The following UNC80 variants were observed in gnomAD, a reference collection of about 807,000 sequenced individuals.
UNC80 encodes the protein unc-80 subunit of NALCN channel complex, also known as protein unc-80 homolog.
A neutral mutation model predicts 384.6 loss-of-function variants in UNC80; 164 were observed. The ratio of observed to expected loss-of-function variants is 0.43; its 90% CI spans 0.38 to 0.49. The LOEUF is 0.49. Ranked by LOEUF, UNC80 falls within the 20% of genes least tolerant of loss-of-function variation. UNC80 has a pLI of 0.00. For synonymous variants in UNC80, 1,486 were observed against 1,527.8 expected (o/e 0.97, Z 0.64); for missense variants, 3,330 against 4,143.0 (o/e 0.80, Z 5.39).
rs560707432 is a variant in UNC80 at position 209,908,039 on chromosome 2, T to G, written c.4782+3074T>G. ...AGAGCTAAAAAGATGAATTGACTCC[T>G]CTGTGATAAACATTTTATTTGCAAA... On this transcript the variant is annotated intron_variant, in intron 29 of 64. Coordinates refer to ENST00000673920, the MANE Select transcript of UNC80 (RefSeq NM_001371986.1). Among the ~76,000 whole-genome samples, 5 of 152,362 alleles carry G rather than the reference T, an allele frequency of 3.3e-5. No individual in the cohort carries two copies. In the Middle Eastern group the frequency reaches 0.01, roughly 311 times the overall value.
In UNC80 at chr2:209,998,715, A is replaced by G. The variant is rs538986171; in HGVS notation, c.*3120A>G. 2 of 152,354 alleles carry G rather than the reference A, an allele frequency of 1.3e-5. No individual in the cohort carries two copies. Among genetic ancestry groups the G allele is most frequent in the East Asian group, 3.9e-4 (2 of 5,190 alleles). The allele number at this position is 152,354 out of a possible 1,614,324, so 9.4% of individuals were successfully genotyped here. ...TAAATGAATAGAAGTACAGTCTGAA[A>G]CATGAATTAAATATCCTTCCTCAAG... On this transcript the variant is annotated 3_prime_UTR_variant, in exon 65 of 65. Coordinates refer to ENST00000673920, the MANE Select transcript of UNC80 (RefSeq NM_001371986.1).
chr2:209,835,659 T>A (rs1301686315), intron 18 of UNC80, among the ~76,000 whole-genome samples: 1 of 152,248 alleles, frequency 6.6e-6, no homozygotes, highest in African/African-American at 2.4e-5. Context: ...TTTTGAGAAC[T>A]ACTAATCCAC....
chr2:209,993,386 A>G lies in UNC80; in HGVS notation c.9468A>G (p.Ser3156=). 1.3e-6 allele frequency: 2 copies of G among 1,551,774 alleles called. No individual in the cohort carries two copies. The highest frequency in any genetic ancestry group is 2.7e-5 in the African/African-American group (2 of 73,178). ...GAAATCGCCAAGGGGCTCGGCTGTC[A>G]ACCACTCGCAGGAGCATTCAACCTA... is the stretch of plus-strand genomic sequence containing the variant. The part of the protein sequence containing the change: ...EPRNRQGARL[S]TTRRSIQPKT... The change falls in exon 63 of 65, where the codon TCA becomes TCG. Residue 3156 remains serine (S), a synonymous_variant. Coordinates refer to ENST00000673920, the MANE Select transcript of UNC80 (RefSeq NM_001371986.1).
chr2:209,953,162 A>G (rs2092264273), intron 47 of UNC80, among the ~76,000 whole-genome samples: 1 of 152,172 alleles, frequency 6.6e-6, no homozygotes. Flanking sequence ...TCATGCCTGT[A>G]ATCCCAGATC....
chr2:209,845,545 A>G (rs2082109549), intron 21 of UNC80, among the ~76,000 whole-genome samples: 1 of 152,212 alleles, frequency 6.6e-6, no homozygotes, highest in Non-Finnish European at 1.5e-5. Context: ...CACAGATTCA[A>G]AAGATCTGAT....
intron 45 of UNC80, among the ~76,000 whole-genome samples, 199 bp from the exon 46 acceptor site, chr2:209,944,852 T>C (rs2091836352): frequency 6.6e-6 from 1 of 152,190 alleles, no homozygotes; most frequent in African/African-American, 2.4e-5. Context: ...TATATTAGAA[T>C]TTAATAGATC....
chr2:209,945,996 A>G (rs2091898134), intron 47 of UNC80, 53 bp downstream of exon 47: 1 of 1,186,182 alleles, frequency 8.4e-7, no homozygotes, highest in African/African-American at 1.5e-5. Context: ...TGGCAGAGAA[A>G]ATAAAATTGA....
At chr2:209,959,050 TAAG>T (rs1228581263) in intron 49 of UNC80, 66 bp from the exon 50 acceptor site, 1 of 1,376,574 alleles carries the variant, frequency 7.3e-7, no homozygotes, top group African/African-American at 1.4e-5. Context: ...TGAAAGTCGA[TAAG>T]AAGCCCCAAC....
At chr2:209,969,994 C>G in intron 53 of UNC80, 103 bp downstream of exon 53, 1 of 1,431,032 alleles carries the variant, frequency 7.0e-7, no homozygotes, top group Non-Finnish European at 9.4e-7. Context: ...GTGCCCCTAT[C>G]TGCCCATGAA....
chr2:209,873,365 A>C (rs7581974), intron 23 of UNC80, among the ~76,000 whole-genome samples: 14 of 151,962 alleles, frequency 9.2e-5, no homozygotes, highest in African/African-American at 3.4e-4. Flanking sequence ...CCCTTATTTC[A>C]GTTTCTATTC....
At chr2:209,867,764 C>A (rs1029406987) in intron 22 of UNC80, among the ~76,000 whole-genome samples, 5 of 152,092 alleles carry the variant, frequency 3.3e-5, no homozygotes, top group African/African-American at 1.2e-4. Context: ...TTATCCCTAC[C>A]CCCACCCTCA....
chr2:209,784,573 G>A (rs1208460270), intron 4 of UNC80, among the ~76,000 whole-genome samples: 2 of 152,088 alleles, frequency 1.3e-5, no homozygotes, highest in Non-Finnish European at 2.9e-5. Context: ...ACTTTTCCTG[G>A]AGATAGCTAC....
intron 51 of UNC80, among the ~76,000 whole-genome samples, chr2:209,964,526 C>T (rs879870929): frequency 1.3e-4 from 20 of 152,120 alleles, no homozygotes; most frequent in Non-Finnish European, 2.2e-4. Context: ...CGGTTGTTCA[C>T]GCCTGTAATC....
Position 209,813,571 on chromosome 2 carries a change from A to G in UNC80, c.939-9A>G, listed in dbSNP as rs2079518319. ...TCAGTATAATTATCTTCTTTCTGCC[A>G]TGGAACAGGGCCTCTCTTGTGATAC... On this transcript the variant is annotated splice_polypyrimidine_tract_variant and intron_variant, in intron 7 of 64. Transcript: ENST00000673920. The G allele has an allele frequency of 4.5e-6, 7 of 1,547,152 alleles. No individual in the cohort carries two copies. Among genetic ancestry groups the G allele is most frequent in the Non-Finnish European group, 6.1e-6 (7 of 1,143,666 alleles).
intron 51 of UNC80, among the ~76,000 whole-genome samples, chr2:209,962,846 G>A (rs2092636164): frequency 6.6e-6 from 1 of 152,298 alleles, no homozygotes. Flanking sequence ...TTGAATATGT[G>A]TAAAAGTTGG....
chr2:209,849,680 C>T, intron 22 of UNC80, 57 bp downstream of exon 22: 3 of 1,494,120 alleles, frequency 2.0e-6, no homozygotes, highest in South Asian at 1.3e-5. Flanking sequence ...GCACTATTAA[C>T]AGAGGTAAGC....
intron 8 of UNC80, among the ~76,000 whole-genome samples, chr2:209,814,722 C>G (rs532814686): frequency 6.6e-6 from 1 of 152,072 alleles, no homozygotes; most frequent in African/African-American, 2.4e-5. Flanking sequence ...TGTTCTTGCC[C>G]TCTTTCTCGT....
Position 209,918,592 on chromosome 2 carries a change from C to T in UNC80, c.5272C>T (p.Pro1758Ser). The stretch of plus-strand genomic sequence containing the variant: ...GCCGGTGCTTGGAATGCCATCCGTC[C>T]CAATGTTTGACCCACCGTGGGTTCC... Reference protein sequence around the residue: ...PSPVLGMPSVPMFDPPWVPQC... With the variant: ...PSPVLGMPSVSMFDPPWVPQC... Residue 1758 changes from proline to serine, a missense_variant, in exon 33 of 65, where the codon CCA (proline) becomes TCA (serine). Pro to Ser is a moderately conservative substitution (Grantham distance 74, BLOSUM62 -1). Coordinates refer to ENST00000673920, the MANE Select transcript of UNC80 (RefSeq NM_001371986.1). 1 of 1,552,114 alleles carries T rather than the reference C, an allele frequency of 6.4e-7. No individual in the cohort carries two copies. Among genetic ancestry groups the T allele is most frequent in the Non-Finnish European group, 8.7e-7 (1 of 1,147,082 alleles).
At chr2:209,795,424 C>G (rs906322406) in intron 7 of UNC80, 8 of 152,234 alleles carry the variant, frequency 5.3e-5, no homozygotes, top group Non-Finnish European at 1.2e-4. Flanking sequence ...AACCAATTTT[C>G]TGGGGAGAAA....
Sources: allele counts gnomAD v4.1 joint callset (sites outside exome capture counted in the v4.1 genomes callset), GRCh38; gene constraint gnomAD v4.1.1; transcripts MANE v1.5; gene names NCBI Gene and HGNC (gene_info 2026-07-23, HGNC 2026-07-21).